Variants in PITPNC1 observed in about 807,000 individuals in gnomAD.
PITPNC1 encodes phosphatidylinositol transfer protein cytoplasmic 1.
Under a neutral mutation model 44.7 loss-of-function variants are expected in PITPNC1, and 18 were observed. That is an observed-to-expected ratio of 0.40 (90% CI 0.28 to 0.60). The LOEUF is 0.60. Among genes scored for constraint, PITPNC1 ranks in the 20% least tolerant of loss-of-function variants. The pLI is 0.39. For synonymous variants in PITPNC1, 141 were observed against 149.6 expected (o/e 0.94, Z 0.42); for missense variants, 290 against 418.4 (o/e 0.69, Z 2.68).
chr17:67,392,235 G>A (rs2038149074), intron 1 of PITPNC1, among the ~76,000 whole-genome samples: 1 of 152,108 alleles, frequency 6.6e-6, no homozygotes, highest in African/African-American at 2.4e-5. Flanking sequence ...AAATTGGAAG[G>A]TATTAAAAAT....
At chr17:67,546,246 C>G (rs1447977806) in intron 2 of PITPNC1, among the ~76,000 whole-genome samples, 1 of 151,150 alleles carries the variant, frequency 6.6e-6, no homozygotes, top group Non-Finnish European at 1.5e-5. Context: ...TTTATATAGT[C>G]TGTATACTTA....
At chr17:67,616,520 G>T (rs927291648) in intron 5 of PITPNC1, among the ~76,000 whole-genome samples, 2 of 151,962 alleles carry the variant, frequency 1.3e-5, no homozygotes, top group African/African-American at 2.4e-5. Context: ...TTTTCTCATC[G>T]GTCACTGTAT....
chr17:67,677,932 G>A (rs796066306), intron 8 of PITPNC1, among the ~76,000 whole-genome samples: 10 of 151,826 alleles, frequency 6.6e-5, no homozygotes, highest in African/African-American at 2.4e-4. Flanking sequence ...AAAAAAAACT[G>A]CCAGGCACGG....
chr17:67,533,876 T>TTTTTC (rs765344424), intron 2 of PITPNC1, among the ~76,000 whole-genome samples: 20 of 152,260 alleles, frequency 1.3e-4, no homozygotes, highest in East Asian at 3.9e-4. Flanking sequence ...TGCTTTTTTC[T>TTTTTC]TTTTCTTTTC....
At chr17:67,620,541 G>A (rs940457970) in intron 5 of PITPNC1, among the ~76,000 whole-genome samples, 1 of 151,866 alleles carries the variant, frequency 6.6e-6, no homozygotes, top group African/African-American at 2.4e-5. Context: ...TAGGCTTGTC[G>A]CCACCTCACT....
At chr17:67,592,465 ACATCT>A (rs1456054784) in intron 5 of PITPNC1, among the ~76,000 whole-genome samples, 1 of 152,212 alleles carries the variant, frequency 6.6e-6, no homozygotes, top group Non-Finnish European at 1.5e-5. Flanking sequence ...ATTCCAATCA[ACATCT>A]CAACAGGATT....
At chr17:67,656,450 C>T (rs2537836) in intron 6 of PITPNC1, among the ~76,000 whole-genome samples, 1 of 152,166 alleles carries the variant, frequency 6.6e-6, no homozygotes, top group Non-Finnish European at 1.5e-5. Flanking sequence ...CTTAATCCAG[C>T]ATGATCTCAT....
chr17:67,671,182 G>A (rs547232536), intron 7 of PITPNC1, among the ~76,000 whole-genome samples: 27 of 152,210 alleles, frequency 1.8e-4, no homozygotes, highest in Admixed American at 3.9e-4. Flanking sequence ...CACCGTGCCC[G>A]GCCGGCATGT....
intron 1 of PITPNC1, among the ~76,000 whole-genome samples, chr17:67,519,818 C>T (rs949507904): frequency 2.0e-5 from 3 of 152,194 alleles, no homozygotes; most frequent in Non-Finnish European, 2.9e-5. Context: ...CTCTCCCAGC[C>T]TTGCTAGGTA....
chr17:67,513,802 C>T (rs1265283267), intron 1 of PITPNC1, among the ~76,000 whole-genome samples: 2 of 152,048 alleles, frequency 1.3e-5, no homozygotes, highest in Admixed American at 1.3e-4. Flanking sequence ...CTTTTCCTCC[C>T]ACTGCTTAGC....
intron 5 of PITPNC1, among the ~76,000 whole-genome samples, chr17:67,604,643 C>T (rs1378968345): frequency 2.0e-5 from 3 of 151,908 alleles, no homozygotes; most frequent in East Asian, 1.9e-4. Flanking sequence ...ATTAGCCAGG[C>T]GTGAAAGCAT....
At chr17:67,436,457 G>A (rs867102812) in intron 1 of PITPNC1, among the ~76,000 whole-genome samples, 1 of 152,120 alleles carries the variant, frequency 6.6e-6, no homozygotes, top group Non-Finnish European at 1.5e-5. Flanking sequence ...AGCCAGGAGA[G>A]GAATAAAGGT....
At chr17:67,481,741 T>C (rs1390895555) in intron 1 of PITPNC1, among the ~76,000 whole-genome samples, 7 of 149,028 alleles carry the variant, frequency 4.7e-5, no homozygotes, top group Admixed American at 4.7e-4. Flanking sequence ...GAATTAATCA[T>C]ACAGAAGATG....
At chr17:67,435,131 G>A (rs1014951586) in intron 1 of PITPNC1, among the ~76,000 whole-genome samples, 1,358 of 122,016 alleles carry the variant, frequency 0.011, 23 homozygotes, top group Non-Finnish European at 0.015. Context: ...AAAAAAAAAA[G>A]AAGCCCAGAG....
intron 6 of PITPNC1, among the ~76,000 whole-genome samples, chr17:67,645,928 C>G (rs2042143464): frequency 6.6e-6 from 1 of 152,324 alleles, no homozygotes; most frequent in East Asian, 1.9e-4. Context: ...AGTTCGAGAC[C>G]AGCCTGGCCA....
At chr17:67,509,918 T>G (rs1347526653) in intron 1 of PITPNC1, among the ~76,000 whole-genome samples, 3 of 152,312 alleles carry the variant, frequency 2.0e-5, no homozygotes, top group East Asian at 1.9e-4. Context: ...TTGAAACACT[T>G]TAGCCTGAAA....
At chr17:67,412,814 C>A (rs2038523398) in intron 1 of PITPNC1, among the ~76,000 whole-genome samples, 2 of 152,230 alleles carry the variant, frequency 1.3e-5, no homozygotes, top group South Asian at 4.1e-4. Context: ...GATCCTCCCG[C>A]TTTGGCCTCC....
intron 1 of PITPNC1, among the ~76,000 whole-genome samples, chr17:67,425,758 G>A (rs911556438): frequency 1.3e-5 from 2 of 151,952 alleles, no homozygotes; most frequent in Non-Finnish European, 2.9e-5. Context: ...CAAACTCCTA[G>A]CCTTACGTGA....
intron 1 of PITPNC1, among the ~76,000 whole-genome samples, chr17:67,460,102 C>A (rs1439023250): frequency 2.0e-5 from 3 of 152,102 alleles, no homozygotes; most frequent in Non-Finnish European, 2.9e-5. Flanking sequence ...CCACTGTGCA[C>A]TGCTGAAAAG....
Sources: allele counts gnomAD v4.1 joint callset (sites outside exome capture counted in the v4.1 genomes callset), GRCh38; gene constraint gnomAD v4.1.1; transcripts MANE v1.5; gene names NCBI Gene and HGNC (gene_info 2026-07-23, HGNC 2026-07-21).